Variants in VPS29 observed in about 807,000 individuals in gnomAD.
VPS29 encodes the protein vacuolar protein sorting-associated protein 29.
Under a neutral mutation model 20.0 loss-of-function variants are expected in VPS29, and 2 were observed. The ratio of observed to expected loss-of-function variants is 0.10; its 90% CI spans 0.04 to 0.31. VPS29 has a LOEUF of 0.31. VPS29 is among the 10% of genes least tolerant of loss of function. The pLI is 1.00. For synonymous variants in VPS29, 81 were observed against 79.3 expected, an observed-to-expected ratio of 1.02 and a Z score of -0.12; for missense variants, 120 against 215.3, an observed-to-expected ratio of 0.56 and a Z score of 2.77.
chr12:110,497,461 C>G (rs974374969), intron 1 of VPS29, among the ~76,000 whole-genome samples: 1 of 151,494 alleles, frequency 6.6e-6, no homozygotes, highest in African/African-American at 2.4e-5. Context: ...AGGTGATCCA[C>G]CTGCCTCCGC....
At chr12:110,499,750 C>A (rs2062968128) in intron 1 of VPS29, among the ~76,000 whole-genome samples, 1 of 152,010 alleles carries the variant, frequency 6.6e-6, no homozygotes, top group South Asian at 2.1e-4. Flanking sequence ...CAAAACAATA[C>A]CAAAATAAAT....
At chr12:110,492,814 G>C (rs1353419469) in intron 3 of VPS29, 182 bp downstream of exon 3, 2 of 548,718 alleles carry the variant, frequency 3.6e-6, no homozygotes, top group Non-Finnish European at 6.3e-6. Context: ...TGTAGAGACA[G>C]GGTCTCACCA....
chr12:110,500,571 C>T (rs1401958617), intron 1 of VPS29, among the ~76,000 whole-genome samples: 1 of 152,114 alleles, frequency 6.6e-6, no homozygotes, highest in Non-Finnish European at 1.5e-5. Context: ...CTGTAAGTCC[C>T]CCTCTTGAAA....
intron 2 of VPS29, among the ~76,000 whole-genome samples, chr12:110,494,275 CAG>C (rs567652441): frequency 1.8e-3 from 250 of 135,866 alleles, no homozygotes; most frequent in Middle Eastern, 4.6e-3. Context: ...TTTTTTGAGA[CAG>C]AGTCTCACTC....
chr12:110,501,043 T>TG (rs1320954649), intron 1 of VPS29, among the ~76,000 whole-genome samples: 1 of 151,932 alleles, frequency 6.6e-6, no homozygotes, highest in African/African-American at 2.4e-5. Context: ...TAGACGGGCT[T>TG]GGTGGCGGGC....
At chr12:110,501,430 A>G (rs1214452415) in intron 1 of VPS29, 3 of 1,535,308 alleles carry the variant, frequency 2.0e-6, no homozygotes, top group Non-Finnish European at 2.6e-6. Context: ...AAAGAGGCGT[A>G]GCAACCCGTG....
At position 110,493,005 on chromosome 12, in the gene VPS29, G is replaced by A; in HGVS notation, c.422C>T (p.Ala141Val). Reference protein sequence around the residue: ...NPGSATGAYNALETNIIPSFV... With the variant: ...NPGSATGAYNVLETNIIPSFV... Reference sequence around the variant, plus strand: ...ATTCTATACTACTCACGTTTCCAAGGCATTATATGCCCCAGTGGCAGAACC... The same window carrying A: ...ATTCTATACTACTCACGTTTCCAAGACATTATATGCCCCAGTGGCAGAACC... Residue 141 changes from alanine to valine, a missense_variant, in exon 3 of 4, where the codon GCC becomes GTC. Physicochemically the swap from Ala to Val is moderately conservative, Grantham distance 64 (BLOSUM62 0). Coordinates refer to ENST00000549578, the MANE Select transcript of VPS29 (RefSeq NM_016226.5). 1 of 1,611,458 alleles carries A rather than the reference G, an allele frequency of 6.2e-7. No individual in the cohort carries two copies. The highest frequency in any genetic ancestry group is 8.5e-7 in the Non-Finnish European group (1 of 1,178,912).
intron 1 of VPS29, 191 bp downstream of exon 1, chr12:110,501,858 G>A: frequency 1.4e-6 from 2 of 1,400,754 alleles, no homozygotes; most frequent in Non-Finnish European, 2.0e-6. Flanking sequence ...ACCTAGGCCA[G>A]CCGCACCCAG....
Position 110,496,054 on chromosome 12 carries a change from AG to A in VPS29, c.152del (p.Thr51IlefsTer9). ...TCACAATATGAACATCACCAGCCAG[AG>A]TCTTGAGATAGTCATAACTCTCTTT... The part of the protein sequence containing the change: ...CTKESYDYLK[T>X]LAGDVHIVRG... On this transcript the variant is annotated frameshift_variant, in exon 2 of 4. Coordinates refer to ENST00000549578, the MANE Select transcript of VPS29 (RefSeq NM_016226.5). LOFTEE classifies it high-confidence loss of function. 6.2e-7 allele frequency: 1 copy of A among 1,606,360 alleles called. No homozygotes were observed.
intron 2 of VPS29, among the ~76,000 whole-genome samples, chr12:110,495,458 C>T (rs1044643203): frequency 6.6e-6 from 1 of 152,074 alleles, no homozygotes; most frequent in Non-Finnish European, 1.5e-5. Context: ...TGCCTGTAAT[C>T]CCAGCACTTT....
At chr12:110,498,516 A>G (rs1031643745) in intron 1 of VPS29, among the ~76,000 whole-genome samples, 8 of 152,224 alleles carry the variant, frequency 5.3e-5, no homozygotes, top group African/African-American at 1.9e-4. Flanking sequence ...AATTAAAATG[A>G]TTACCAAAAG....
At chr12:110,501,530 G>A (rs1351653457) in intron 1 of VPS29, 1 of 1,535,320 alleles carries the variant, frequency 6.5e-7, no homozygotes, top group African/African-American at 1.4e-5. Context: ...TGTTATTTCA[G>A]GAGCGAGGAG....
At chr12:110,501,945 C>T (rs1164517740) in intron 1 of VPS29, 104 bp downstream of exon 1, 4 of 1,608,036 alleles carry the variant, frequency 2.5e-6, no homozygotes, top group South Asian at 2.2e-5. Context: ...ACGCCGAGGC[C>T]TCCGGGATTT....
At chr12:110,494,492 G>A (rs2062870076) in intron 2 of VPS29, among the ~76,000 whole-genome samples, 1 of 151,856 alleles carries the variant, frequency 6.6e-6, no homozygotes, top group Non-Finnish European at 1.5e-5. Flanking sequence ...CTGACCTCGT[G>A]ATCCACCTGC....
chr12:110,495,902 GAAAA>G, intron 2 of VPS29, 106 bp downstream of exon 2: 1 of 824,412 alleles, frequency 1.2e-6, no homozygotes, highest in East Asian at 3.2e-5. Flanking sequence ...AAGAAAAAGG[GAAAA>G]AAAAAAAAAC....
At chr12:110,493,823 C>A (rs1210696655) in intron 2 of VPS29, among the ~76,000 whole-genome samples, 1 of 152,034 alleles carries the variant, frequency 6.6e-6, no homozygotes, top group African/African-American at 2.4e-5. Context: ...TAATTATTCC[C>A]CCCAAACTTG....
chr12:110,501,469 G>A, intron 1 of VPS29: 1 of 1,535,414 alleles, frequency 6.5e-7, no homozygotes, highest in Non-Finnish European at 8.7e-7. Flanking sequence ...AATTGCAAGC[G>A]CCAAATCCCG....
intron 2 of VPS29, among the ~76,000 whole-genome samples, chr12:110,494,321 C>A (rs1045664378): frequency 6.7e-6 from 1 of 148,466 alleles, no homozygotes; most frequent in East Asian, 2.0e-4. Context: ...GGCGCGATCT[C>A]GGCTCACTGC....
chr12:110,492,227 T>G (rs2062827164), intron 3 of VPS29, 105 bp from the exon 4 acceptor site: 1 of 889,172 alleles, frequency 1.1e-6, no homozygotes, highest in Non-Finnish European at 1.8e-6. Flanking sequence ...CTGTTACATA[T>G]CACATGAACA....
Sources: gnomAD v4.1 joint callset for allele counts (sites outside exome capture counted in the v4.1 genomes callset) on GRCh38, gnomAD v4.1.1 for gene constraint, MANE v1.5 for transcripts, NCBI Gene and HGNC (gene_info 2026-07-23, HGNC 2026-07-21) for gene names.